The following CADM2 variants were observed in gnomAD, a reference collection of about 807,000 sequenced individuals.
CADM2 encodes the protein cell adhesion molecule 2, also known as immunoglobulin superfamily member 4D.
Under a neutral mutation model 49.8 loss-of-function variants are expected in CADM2, and 12 were observed. The ratio of observed to expected loss-of-function variants is 0.24; its 90% CI spans 0.15 to 0.39. The LOEUF (loss-of-function observed/expected upper bound fraction) is 0.39. Ranked by LOEUF, CADM2 falls within the 10% of genes least tolerant of loss-of-function variation. CADM2 has a pLI of 1.00. For missense variants in CADM2, 378 were observed against 492.3 expected, an observed-to-expected ratio of 0.77 and a Z score of 2.20; for synonymous variants, 214 against 175.4, an observed-to-expected ratio of 1.22 and a Z score of -1.74.
chr3:85,033,265 A>G (rs1680997147), intron 1 of CADM2, among the ~76,000 whole-genome samples: 1 of 152,190 alleles, frequency 6.6e-6, no homozygotes, highest in Admixed American at 6.5e-5. Flanking sequence ...ACGACGCATT[A>G]CATTTCACAC....
chr3:86,035,100 A>T (rs1229646349), intron 8 of CADM2, among the ~76,000 whole-genome samples: 1 of 152,098 alleles, frequency 6.6e-6, no homozygotes, highest in Non-Finnish European at 1.5e-5. Context: ...TCCAGACAAT[A>T]AAATCTTTAG....
At chr3:85,658,576 G>GTATATATATATATA (rs397990421) in intron 1 of CADM2, among the ~76,000 whole-genome samples, 15 of 68,728 alleles carry the variant, frequency 2.2e-4, no homozygotes, top group South Asian at 5.6e-4. Flanking sequence ...GGATATATGT[G>GTATATATATATATA]TATATATATA....
At chr3:85,095,916 T>C (rs967830713) in intron 1 of CADM2, among the ~76,000 whole-genome samples, 1 of 152,036 alleles carries the variant, frequency 6.6e-6, no homozygotes, top group Non-Finnish European at 1.5e-5. Flanking sequence ...TTACTTACTC[T>C]GCTTGTGATA....
intron 1 of CADM2, among the ~76,000 whole-genome samples, chr3:85,452,602 C>CTTTGTT (rs2037800899): frequency 6.6e-6 from 1 of 152,018 alleles, no homozygotes; most frequent in African/African-American, 2.4e-5. Flanking sequence ...AACAGTTGTT[C>CTTTGTT]CAAACCATCA....
chr3:85,074,952 A>G (rs952744948), intron 1 of CADM2, among the ~76,000 whole-genome samples: 1 of 152,050 alleles, frequency 6.6e-6, no homozygotes, highest in Non-Finnish European at 1.5e-5. Flanking sequence ...ATTTGAATAA[A>G]CCAATCCACT....
chr3:85,974,699 G>A (rs1037789596), intron 8 of CADM2, among the ~76,000 whole-genome samples: 2 of 151,576 alleles, frequency 1.3e-5, no homozygotes, highest in Non-Finnish European at 3.0e-5. Flanking sequence ...TCTTATAGAA[G>A]TACTCAGATT....
At chr3:85,512,792 TAATA>T (rs34740808) in intron 1 of CADM2, among the ~76,000 whole-genome samples, 77,689 of 151,386 alleles carry the variant, frequency 0.51, 22,866 homozygotes, top group East Asian at 0.85. Flanking sequence ...TGAGGACTAT[TAATA>T]AATATTATTT....
intron 1 of CADM2, among the ~76,000 whole-genome samples, chr3:85,437,555 G>A (rs2036989883): frequency 6.6e-6 from 1 of 152,120 alleles, no homozygotes; most frequent in Non-Finnish European, 1.5e-5. Context: ...TAAGAGGTAT[G>A]TAATGGCATC....
At chr3:85,750,800 G>A (rs1341141991) in intron 2 of CADM2, among the ~76,000 whole-genome samples, 1 of 151,906 alleles carries the variant, frequency 6.6e-6, no homozygotes, top group Non-Finnish European at 1.5e-5. Flanking sequence ...GGTCCTCCAT[G>A]CTATCAGTGT....
At chr3:85,569,715 G>A (rs200391068) in intron 1 of CADM2, among the ~76,000 whole-genome samples, 2,000 of 136,750 alleles carry the variant, frequency 0.015, 51 homozygotes, top group African/African-American at 0.048. Flanking sequence ...AAAAAAAAAA[G>A]AAAAAAAAAA....
At chr3:85,224,137 T>G (rs1406841869) in intron 1 of CADM2, among the ~76,000 whole-genome samples, 2 of 152,190 alleles carry the variant, frequency 1.3e-5, no homozygotes, top group Non-Finnish European at 1.5e-5. Context: ...GATTGCTGGG[T>G]CAAATGGTAT....
intron 8 of CADM2, among the ~76,000 whole-genome samples, chr3:86,022,778 A>G (rs1005437426): frequency 1.3e-5 from 2 of 152,126 alleles, no homozygotes; most frequent in African/African-American, 2.4e-5. Flanking sequence ...AATATGATTT[A>G]AAATAACTTC....
At chr3:85,984,453 T>A (rs986318286) in intron 8 of CADM2, among the ~76,000 whole-genome samples, 2 of 151,694 alleles carry the variant, frequency 1.3e-5, no homozygotes, top group African/African-American at 4.8e-5. Context: ...TTATTTCAAA[T>A]TCAGGAGACA....
intron 1 of CADM2, among the ~76,000 whole-genome samples, chr3:85,459,930 A>G (rs962097234): frequency 6.6e-6 from 1 of 152,022 alleles, no homozygotes; most frequent in Admixed American, 6.6e-5. Context: ...TCATCTCTTT[A>G]TTTCTATTTT....
chr3:85,358,498 A>T (rs1406966445), intron 1 of CADM2, among the ~76,000 whole-genome samples: 1 of 152,120 alleles, frequency 6.6e-6, no homozygotes. Flanking sequence ...TTATCCAAGA[A>T]TTCAATTGGT....
intron 1 of CADM2, among the ~76,000 whole-genome samples, chr3:85,244,372 G>A (rs936379388): frequency 1.3e-5 from 2 of 152,006 alleles, no homozygotes; most frequent in South Asian, 2.1e-4. Context: ...TTGAACATCC[G>A]CAGACTCAAC....
intron 1 of CADM2, among the ~76,000 whole-genome samples, chr3:85,703,118 A>G (rs532106447): frequency 1.3e-5 from 2 of 152,336 alleles, no homozygotes; most frequent in South Asian, 2.1e-4. Flanking sequence ...CAAGACAAAA[A>G]TATAAAATAT....
intron 1 of CADM2, among the ~76,000 whole-genome samples, chr3:85,690,425 A>G (rs2066346638): frequency 6.6e-6 from 1 of 152,166 alleles, no homozygotes; most frequent in Admixed American, 6.5e-5. Flanking sequence ...ACATTGGAAG[A>G]AAAACACAGG....
intron 1 of CADM2, among the ~76,000 whole-genome samples, chr3:85,487,708 G>A (rs1420609057): frequency 6.6e-6 from 1 of 151,864 alleles, no homozygotes; most frequent in Non-Finnish European, 1.5e-5. Flanking sequence ...AGGAATATTT[G>A]TCAAGAAATA....
Sources: gnomAD v4.1 joint callset for allele counts (sites outside exome capture counted in the v4.1 genomes callset) on GRCh38, gnomAD v4.1.1 for gene constraint, MANE v1.5 for transcripts, NCBI Gene and HGNC (gene_info 2026-07-23, HGNC 2026-07-21) for gene names.